The following ZNF385D variants were observed in gnomAD, a reference collection of about 807,000 sequenced individuals.
ZNF385D encodes zinc finger protein 385D, also known as zinc finger protein 659.
In ZNF385D, 15 loss-of-function variants were observed where a neutral mutation model predicts 35.8. The observed-to-expected ratio is 0.42, with a 90% CI of 0.28 to 0.64. ZNF385D has a LOEUF of 0.64. Ranked by LOEUF, ZNF385D falls within the 30% of genes least tolerant of loss-of-function variation. The pLI is 0.23. For synonymous variants in ZNF385D, 212 were observed against 186.8 expected, an observed-to-expected ratio of 1.13 and a Z score of -1.10; for missense variants, 474 against 494.6, an observed-to-expected ratio of 0.96 and a Z score of 0.39.
intron 3 of ZNF385D, among the ~76,000 whole-genome samples, chr3:22,046,362 T>C (rs142863760): frequency 6.6e-6 from 1 of 152,244 alleles, no homozygotes; most frequent in East Asian, 1.9e-4. Context: ...ATAGAGACAT[T>C]CTCTGAAAAA....
At chr3:22,094,758 T>C (rs1022567822) in intron 3 of ZNF385D, among the ~76,000 whole-genome samples, 7 of 152,038 alleles carry the variant, frequency 4.6e-5, no homozygotes, top group African/African-American at 1.7e-4. Context: ...TGTGATTTTG[T>C]GTCAAATGCT....
intron 3 of ZNF385D, among the ~76,000 whole-genome samples, chr3:21,851,432 C>T (rs77017946): frequency 0.038 from 5,843 of 151,890 alleles, 391 homozygotes; most frequent in African/African-American, 0.13. Flanking sequence ...ACAATAGAAA[C>T]GAAAATATAT....
chr3:21,659,629 T>C (rs1344793734), intron 2 of ZNF385D, among the ~76,000 whole-genome samples: 1 of 151,958 alleles, frequency 6.6e-6, no homozygotes, highest in African/African-American at 2.4e-5. Flanking sequence ...AAAATTCAAA[T>C]TTCCCCCGTC....
At chr3:22,169,847 T>G (rs192578878) in intron 2 of ZNF385D, among the ~76,000 whole-genome samples, 53 of 152,254 alleles carry the variant, frequency 3.5e-4, no homozygotes, top group African/African-American at 1.2e-3. Context: ...TAAGCTGGAG[T>G]GCAGTGGCAT....
rs368222793 is a variant in ZNF385D, at chr3:22,335,780, C to T, written c.106+36670G>A. Among the ~76,000 whole-genome samples, 29 of 152,222 alleles carry T rather than the reference C, an allele frequency of 1.9e-4. No individual in the cohort carries two copies. The East Asian group carries it at 2.3e-3, about 12-fold the overall frequency. On this transcript the variant is annotated intron_variant, in intron 2 of 5. Coordinates refer to the ZNF385D transcript ENST00000494108. ...CTTTATTTTCCATATTTCTATTATA[C>T]ACATACTTCTTTACCAAAAAAATTA... is the stretch of plus-strand genomic sequence containing the variant.
intron 3 of ZNF385D, among the ~76,000 whole-genome samples, chr3:22,026,933 G>C (rs925220764): frequency 6.6e-6 from 1 of 152,162 alleles, no homozygotes; most frequent in East Asian, 1.9e-4. Flanking sequence ...TAACCAAACA[G>C]TGACTCCAAT....
At chr3:21,915,339 T>C (rs1700143339) in intron 3 of ZNF385D, among the ~76,000 whole-genome samples, 1 of 152,128 alleles carries the variant, frequency 6.6e-6, no homozygotes. Flanking sequence ...TTAGTATTAT[T>C]ATTATTGCAG....
chr3:21,731,889 T>A (rs1375225308), intron 1 of ZNF385D, among the ~76,000 whole-genome samples: 2 of 152,082 alleles, frequency 1.3e-5, no homozygotes, highest in Admixed American at 6.6e-5. Flanking sequence ...GGTAGTTCAT[T>A]TATTTTTAGT....
At chr3:22,309,995 C>A (rs1002589841) in intron 2 of ZNF385D, among the ~76,000 whole-genome samples, 2 of 151,932 alleles carry the variant, frequency 1.3e-5, no homozygotes, top group African/African-American at 2.4e-5. Flanking sequence ...ATGGACCAAA[C>A]AGTACCTCAC....
Position 21,743,133 on chromosome 3 carries a change from G to C in ZNF385D, c.22+7762C>G, listed in dbSNP as rs2069599114. Among the ~76,000 whole-genome samples the C allele has an allele frequency of 2.0e-5, 3 of 152,174 alleles. No homozygotes were observed. The South Asian group carries it at 6.2e-4, about 31-fold the overall frequency. On this transcript the variant is annotated intron_variant, in intron 1 of 7. Transcript: ENST00000281523. ...GGACACAGCACTACTGAATGGAAGAGATACAACTGTAAAGTAGGCCATTTT... is the reference window on the plus strand; with the variant it reads ...GGACACAGCACTACTGAATGGAAGACATACAACTGTAAAGTAGGCCATTTT...
intron 3 of ZNF385D, among the ~76,000 whole-genome samples, chr3:22,071,533 C>G (rs1478969881): frequency 6.6e-6 from 1 of 152,134 alleles, no homozygotes; most frequent in African/African-American, 2.4e-5. Flanking sequence ...CTCTAAGGAG[C>G]CACCTTTGAA....
At chr3:22,110,704 G>C (rs533501672) in intron 3 of ZNF385D, among the ~76,000 whole-genome samples, 3 of 151,846 alleles carry the variant, frequency 2.0e-5, no homozygotes, top group South Asian at 4.2e-4. Flanking sequence ...CAAGTTAATG[G>C]GTGCAGCACA....
chr3:21,868,699 C>T (rs537530371), intron 3 of ZNF385D, among the ~76,000 whole-genome samples: 4 of 152,040 alleles, frequency 2.6e-5, no homozygotes, highest in African/African-American at 7.2e-5. Context: ...ACATGTAAAG[C>T]GTATTAGTTC....
chr3:22,145,528 A>T (rs1704796196), intron 3 of ZNF385D, among the ~76,000 whole-genome samples: 1 of 152,204 alleles, frequency 6.6e-6, no homozygotes, highest in African/African-American at 2.4e-5. Context: ...CACATGGAAG[A>T]ATACTATTTT....
At chr3:21,757,024 A>C (rs1045960602) in intron 3 of ZNF385D, among the ~76,000 whole-genome samples, 1 of 152,166 alleles carries the variant, frequency 6.6e-6, no homozygotes, top group Non-Finnish European at 1.5e-5. Flanking sequence ...ACAAGAAAAA[A>C]GTACTAACAT....
At chr3:21,963,986 G>A (rs919331160) in intron 3 of ZNF385D, among the ~76,000 whole-genome samples, 2 of 152,084 alleles carry the variant, frequency 1.3e-5, no homozygotes, top group Admixed American at 6.6e-5. Flanking sequence ...GAAGACATTA[G>A]TACAAAAGCG....
chr3:21,883,632 G>C (rs1698392306), intron 3 of ZNF385D, among the ~76,000 whole-genome samples: 1 of 151,994 alleles, frequency 6.6e-6, no homozygotes, highest in African/African-American at 2.4e-5. Flanking sequence ...AAATTTGCTG[G>C]AAATGATGAG....
chr3:22,228,179 G>A (rs953091480), intron 2 of ZNF385D, among the ~76,000 whole-genome samples: 1 of 152,172 alleles, frequency 6.6e-6, no homozygotes, highest in Non-Finnish European at 1.5e-5. Context: ...GAGATGGTGA[G>A]AGACAACAAA....
At chr3:22,014,259 T>A (rs75403914) in intron 3 of ZNF385D, among the ~76,000 whole-genome samples, 7,374 of 152,010 alleles carry the variant, frequency 0.049, 251 homozygotes, top group East Asian at 0.16. Flanking sequence ...AAGTAAGAAA[T>A]TGCCCAATGG....
Sources: gnomAD v4.1 joint callset for allele counts (sites outside exome capture counted in the v4.1 genomes callset) on GRCh38, gnomAD v4.1.1 for gene constraint, MANE v1.5 for transcripts, NCBI Gene and HGNC (gene_info 2026-07-23, HGNC 2026-07-21) for gene names.